The following ABCA10 variants were observed in gnomAD, a reference collection of about 807,000 sequenced individuals.
ABCA10 encodes ATP-binding cassette sub-family A member 10.
In ABCA10, 169 loss-of-function variants were observed where a neutral mutation model predicts 187.5. That is an observed-to-expected ratio of 0.90 (90% CI 0.80 to 1.02). The LOEUF (loss-of-function observed/expected upper bound fraction) is 1.02, where lower values mean the gene tolerates loss of function less well. Ranked by LOEUF, ABCA10 falls within the 50% of genes least tolerant of loss-of-function variation. The probability of loss-of-function intolerance (pLI) is 0.00; values close to 1 mark genes in which losing one functional copy is unlikely to be tolerated. For synonymous variants in ABCA10, 574 were observed against 601.8 expected, an observed-to-expected ratio of 0.95 and a Z score of 0.68; for missense variants, 1,727 against 1,812.4, an observed-to-expected ratio of 0.95 and a Z score of 0.86.
intron 29 of ABCA10, among the ~76,000 whole-genome samples, chr17:69,155,529 C>T (rs111681096): frequency 1.2e-3 from 188 of 152,048 alleles, no homozygotes; most frequent in African/African-American, 4.4e-3. Context: ...GAAAAATGTG[C>T]GATTTTGCTA....
Position 69,225,421 on chromosome 17 carries a change from G to C in ABCA10, c.-63C>G. 1.9e-6 allele frequency: 3 copies of C among 1,563,270 alleles called. No homozygotes were observed. The highest frequency in any genetic ancestry group is 2.6e-6 in the Non-Finnish European group (3 of 1,137,234). The stretch of plus-strand genomic sequence containing the variant: ...ACTACCAGGCCAGAGTCATTAAACT[G>C]ATCCACGCTTCCCAGGACTTTAGGA... On this transcript the variant is annotated 5_prime_UTR_variant, in exon 3 of 39. In the 5' UTR this introduces an upstream ATG that the reference lacks. Transcript: ENST00000690296.
At chr17:69,225,196 T>C in intron 3 of ABCA10, 129 bp downstream of exon 3, 2 of 1,001,282 alleles carry the variant, frequency 2.0e-6, no homozygotes, top group East Asian at 2.5e-5. Flanking sequence ...CTGTACTGCA[T>C]ATATAATGAG....
chr17:69,242,528 G>C (rs185293499), intron 1 of ABCA10, among the ~76,000 whole-genome samples: 14 of 152,220 alleles, frequency 9.2e-5, no homozygotes, highest in African/African-American at 3.1e-4. Context: ...GCAGTGGCGC[G>C]ATCTTGGCTC....
intron 35 of ABCA10, 88 bp from the exon 36 acceptor site, chr17:69,152,271 A>G: frequency 6.4e-7 from 1 of 1,572,374 alleles, no homozygotes; most frequent in Non-Finnish European, 8.6e-7. Flanking sequence ...ATTACAGGTT[A>G]GGGAGCTGTA....
Position 69,175,742 on chromosome 17 carries a change from T to A in ABCA10, c.2770-229A>T, listed in dbSNP as rs193104962. The A allele has an allele frequency of 2.3e-5, 7 of 307,984 alleles. No individual in the cohort carries two copies. The East Asian group carries it at 5.2e-4, about 23-fold the overall frequency. 19.1% of individuals were successfully genotyped at this position (307,984 alleles called of 1,614,324 possible). On this transcript the variant is annotated intron_variant, in intron 22 of 38. Transcript: ENST00000690296. ...TCAATTTTATATGTATATACGGTAG[T>A]CTCCCGTTTCCACAGGGGATATATT...
rs772693513 is a variant in ABCA10, at chr17:69,192,606, A to C, written c.1828T>G (p.Ser610Ala). The change falls in exon 16 of 39, where the codon TCT becomes GCT. Residue 610 changes from serine (S) to alanine (A), a missense_variant. By Grantham distance (99) the Ser-to-Ala change is moderately conservative. Transcript: ENST00000690296. ...SNGKLKCAGS[S>A]LFLKRKWGIG... ...CCCCACTTTCGCTTCAGAAACAAAGATGATCCTGCACATTTCAACTTCCCA... is the reference window on the plus strand; with the variant it reads ...CCCCACTTTCGCTTCAGAAACAAAGCTGATCCTGCACATTTCAACTTCCCA... 2 of 1,613,718 alleles carry C rather than the reference A, an allele frequency of 1.2e-6. No homozygotes were observed. The highest frequency in any genetic ancestry group is 3.3e-5 in the Admixed American group (2 of 60,020).
intron 1 of ABCA10, among the ~76,000 whole-genome samples, chr17:69,239,605 C>T (rs2144869103): frequency 6.6e-6 from 1 of 152,270 alleles, no homozygotes; most frequent in Non-Finnish European, 1.5e-5. Context: ...AGGCTTTCGA[C>T]AGAGTTGTTC....
chr17:69,232,748 T>A (rs2074840234), upstream of ABCA10, among the ~76,000 whole-genome samples: 1 of 152,190 alleles, frequency 6.6e-6, no homozygotes, highest in Admixed American at 6.5e-5. Context: ...GGTCTGATAG[T>A]AATGAATTCC....
At chr17:69,219,473 AT>A (rs1359990172) in intron 6 of ABCA10, 71 bp downstream of exon 6, 17 of 1,216,812 alleles carry the variant, frequency 1.4e-5, no homozygotes, top group Non-Finnish European at 1.8e-5. Context: ...AGTGCGTCCA[AT>A]TTTTTAAGAA....
At position 69,194,390 on chromosome 17, in the gene ABCA10, G is replaced by C. The variant is rs745714928; in HGVS notation, c.1340C>G (p.Thr447Arg). 6.2e-7 allele frequency: 1 copy of C among 1,607,340 alleles called. No individual in the cohort carries two copies. Among genetic ancestry groups the C allele is most frequent in the Admixed American group, 1.7e-5 (1 of 59,098 alleles). ...LNILSGLSVS[T>R]EGSATIYNTQ... ...TTATAAAACTGTTTTCTCACCTTCTGTAGAAACAGACAATCCACTAAGAAT... is the reference window on the plus strand; with the variant it reads ...TTATAAAACTGTTTTCTCACCTTCTCTAGAAACAGACAATCCACTAAGAAT... Residue 447 changes from threonine to arginine, a missense_variant, in exon 12 of 39, where the codon ACA (threonine) becomes AGA (arginine). Coordinates refer to ENST00000690296, the MANE Select transcript of ABCA10 (RefSeq NM_001377321.1).
Position 69,152,446 on chromosome 17 carries a change from CT to C in ABCA10, c.4171del (p.Arg1391GlyfsTer5). ...GTAATGGGTGGTCAAGAGGGTGCCC[CT>C]CTCCTTGTTTTTAACGGTAGCCTGA... ...ILQATVKNKE[R>X]GTLLTTHYMS... is the part of the protein sequence containing the mutation. On this transcript the variant is annotated frameshift_variant, in exon 35 of 39. Transcript: ENST00000690296. LOFTEE classifies it high-confidence loss of function. The C allele has an allele frequency of 1.2e-6, 2 of 1,613,876 alleles. No homozygotes were observed. The highest frequency in any genetic ancestry group is 1.7e-4 in the Middle Eastern group (1 of 6,060).
chr17:69,152,180 A>G lies in ABCA10; in HGVS notation c.4260T>C (p.Cys1420=), dbSNP rs1486062689. ...TTTTCAGATGTTGAATGGAACCAAT[A>G]CACCTAGTTCAGGGGAAATAAAGAA... ...MAMMVSGTLR[C]IGSIQHLKNK... Residue 1420 remains cysteine (C), a synonymous_variant, in exon 36 of 39, where the codon TGT becomes TGC. Coordinates refer to ENST00000690296, the MANE Select transcript of ABCA10 (RefSeq NM_001377321.1). The G allele has an allele frequency of 3.7e-6, 6 of 1,609,136 alleles. No homozygotes were observed. In the Admixed American group the frequency reaches 8.5e-5, roughly 23 times the overall value.
chr17:69,170,287 CAAA>C lies in ABCA10; in HGVS notation c.3162+3991_3162+3993del, dbSNP rs10559540. ...TGGGCAACAGAGTGAGATTCCGTCT[CAAA>C]AAAAAAAAAAAAATTACGTTACATT... On this transcript the variant is annotated intron_variant, in intron 25 of 38. Coordinates refer to ENST00000690296, the MANE Select transcript of ABCA10 (RefSeq NM_001377321.1). Among the ~76,000 whole-genome samples, 54 of 141,348 alleles carry C rather than the reference CAAA, an allele frequency of 3.8e-4. 1 individual carries two copies. Among genetic ancestry groups the C allele is most frequent in the African/African-American group, 8.0e-4 (31 of 38,618 alleles). The allele number at this position is 141,348 out of a possible 152,430, so 92.7% of individuals were successfully genotyped here. A position where few individuals can be genotyped will look rare whatever the true frequency, so the allele number is the denominator to read the frequency against.
In ABCA10 at chr17:69,154,314, C is replaced by A. The variant is rs1394539165; in HGVS notation, c.3707G>T (p.Gly1236Val). 1.3e-6 allele frequency: 2 copies of A among 1,596,392 alleles called. No individual in the cohort carries two copies. The highest frequency in any genetic ancestry group is 2.9e-5 in the African/African-American group (2 of 68,914). Reference protein sequence around the residue: ...SFCVKKGEVLGLLGHNGAGKS... With the variant: ...SFCVKKGEVLVLLGHNGAGKS... The stretch of plus-strand genomic sequence containing the variant: ...ACCAGCTCCATTGTGTCCTAGTAAT[C>A]CCAAAACTTCACCTGGAAGAAAGAG... The change falls in exon 31 of 39, where the codon GGA (glycine) becomes GTA (valine). Residue 1236 changes from glycine to valine, a missense_variant. Coordinates refer to ENST00000690296, the MANE Select transcript of ABCA10 (RefSeq NM_001377321.1).
intron 25 of ABCA10, among the ~76,000 whole-genome samples, chr17:69,170,977 T>C (rs987604362): frequency 6.6e-6 from 1 of 152,212 alleles, no homozygotes; most frequent in Non-Finnish European, 1.5e-5. Context: ...AAATCCCATA[T>C]TGAGGCATGA....
intron 7 of ABCA10, 25 bp downstream of exon 7, chr17:69,216,191 GA>G (rs1273707705): frequency 1.1e-5 from 17 of 1,597,860 alleles, no homozygotes; most frequent in Non-Finnish European, 1.4e-5. Context: ...AACAGGTTAA[GA>G]GGTAATATGC....
At chr17:69,179,201 AAAAC>A (rs1192699793) in intron 22 of ABCA10, among the ~76,000 whole-genome samples, 2 of 83,486 alleles carry the variant, frequency 2.4e-5, no homozygotes, top group Non-Finnish European at 6.3e-5. Flanking sequence ...ACAAAAAAAC[AAAAC>A]AAACAAAAAA....
intron 25 of ABCA10, among the ~76,000 whole-genome samples, chr17:69,168,008 CT>C (rs1422920564): frequency 3.3e-5 from 5 of 152,124 alleles, no homozygotes; most frequent in Admixed American, 2.6e-4. Flanking sequence ...TCTCTTCCTT[CT>C]TGGCCTACTT....
chr17:69,218,662 T>TAC (rs1568073151), intron 6 of ABCA10, among the ~76,000 whole-genome samples: 1 of 149,758 alleles, frequency 6.7e-6, no homozygotes, highest in Non-Finnish European at 1.5e-5. Context: ...AGCATAGATA[T>TAC]ATATATAAAT....
Sources: allele counts gnomAD v4.1 joint callset (sites outside exome capture counted in the v4.1 genomes callset), GRCh38; gene constraint gnomAD v4.1.1; transcripts MANE v1.5; gene names NCBI Gene and HGNC (gene_info 2026-07-23, HGNC 2026-07-21).